The following JAK3 variants were observed in gnomAD, a reference collection of about 807,000 sequenced individuals.
JAK3 encodes the protein tyrosine-protein kinase JAK3.
Under a neutral mutation model 120.8 loss-of-function variants are expected in JAK3, and 88 were observed. The observed-to-expected ratio is 0.73, with a 90% CI of 0.61 to 0.87. The LOEUF is 0.87. Ranked by LOEUF, JAK3 falls within the 40% of genes least tolerant of loss-of-function variation. JAK3 has a pLI of 0.00. For synonymous variants in JAK3, 592 were observed against 628.6 expected (o/e 0.94, Z 0.87); for missense variants, 1,254 against 1,501.4 (o/e 0.84, Z 2.72).
At chr19:17,845,339 C>G (rs1327849435) in intron 1 of JAK3, among the ~76,000 whole-genome samples, 2 of 151,960 alleles carry the variant, frequency 1.3e-5, no homozygotes, top group Admixed American at 1.3e-4. Context: ...AGCTAATTTT[C>G]TTGTATTTTT....
rs776503458 is a variant in JAK3, at chr19:17,831,642, A to AG, written c.2805+31_2805+32insC. On this transcript the variant is annotated intron_variant, in intron 20 of 23. Transcript: ENST00000458235. This position sits in a 1 kb window ranked among gnomAD's most constrained non-coding sequence, Gnocchi z 5.1. ...CCCCTGCCCAGGCCGTGCCAGCTGA[A>AG]TCCCCACAAGTCCCGGGGCGCCCCC... 4 of 1,595,518 alleles carry AG rather than the reference A, an allele frequency of 2.5e-6. No individual in the cohort carries two copies. In the African/African-American group the frequency reaches 4.0e-5, roughly 16 times the overall value.
In JAK3 at chr19:17,842,820, C is replaced by T. The variant is rs1568407402; in HGVS notation, c.566+207G>A. 4 of 858,808 alleles carry T rather than the reference C, an allele frequency of 4.7e-6. No individual in the cohort carries two copies. Among genetic ancestry groups the T allele is most frequent in the Non-Finnish European group, 1.8e-6 (1 of 551,542 alleles). 53.2% of individuals were successfully genotyped at this position (858,808 alleles called of 1,614,324 possible). ...GCGCCCACAGGTCGGACAGGGACCC[C>T]ACAGGCCTTTTAGCTGGGGGAGGTC... On this transcript the variant is annotated intron_variant, in intron 5 of 23. Transcript: ENST00000458235. This position sits in a 1 kb window ranked among gnomAD's most constrained non-coding sequence, Gnocchi z 6.4.
chr19:17,837,790 C>T, intron 12 of JAK3, 142 bp downstream of exon 12: 1 of 1,249,024 alleles, frequency 8.0e-7, no homozygotes, highest in East Asian at 2.4e-5. Flanking sequence ...AAACCATCCT[C>T]CTGCCTCAGC....
intron 1 of JAK3, among the ~76,000 whole-genome samples, chr19:17,844,671 C>G (rs933483079): frequency 1.3e-5 from 2 of 151,880 alleles, no homozygotes; most frequent in Non-Finnish European, 2.9e-5. Flanking sequence ...GTGGTGCGTT[C>G]CTGTAATCCC....
intron 22 of JAK3, 86 bp downstream of exon 22, chr19:17,830,417 A>C: frequency 1.8e-6 from 2 of 1,118,800 alleles, no homozygotes; most frequent in Non-Finnish European, 2.7e-6. Context: ...CATGCTAAAG[A>C]GGGACGCAGG....
At chr19:17,835,245 G>T (rs2072496) in intron 14 of JAK3, 30 bp from the exon 15 acceptor site, 2 of 1,609,678 alleles carry the variant, frequency 1.2e-6, no homozygotes, top group Non-Finnish European at 1.7e-6. Flanking sequence ...GAAAATGCCC[G>T]GGAGGGTTTG....
intron 8 of JAK3, among the ~76,000 whole-genome samples, chr19:17,840,981 AT>A (rs888915168): frequency 2.0e-5 from 3 of 150,242 alleles, no homozygotes; most frequent in Admixed American, 6.6e-5. Context: ...ACACCCAGCT[AT>A]TTTTTTTTCT....
rs190366074 is a variant in JAK3 at position 17,826,445 on chromosome 19, G to T, written c.*298C>A. The T allele has an allele frequency of 7.2e-4, 297 of 409,962 alleles. 4 individuals carry two copies. In the East Asian group the frequency reaches 0.011, roughly 15 times the overall value. The allele number at this position is 409,962 out of a possible 1,614,324, so 25.4% of individuals were successfully genotyped here. On this transcript the variant is annotated 3_prime_UTR_variant, in exon 24 of 24. Transcript: ENST00000458235. ...AGAGACAGAAAAGGAAACTCAGGGGGCCAGGGCTTAAGGGGTTGGGAAGAT... is the reference window on the plus strand; with the variant it reads ...AGAGACAGAAAAGGAAACTCAGGGGTCCAGGGCTTAAGGGGTTGGGAAGAT...
In JAK3 at chr19:17,843,525, T is replaced by C. The variant is rs748492158; in HGVS notation, c.309-34A>G. On this transcript the variant is annotated intron_variant, in intron 3 of 23. Transcript: ENST00000458235. The surrounding 1 kb of genome is among the most constrained non-coding windows in gnomAD (Gnocchi z 5.4). ...AGAGGAGAGAACCCTGGGATGAAAGTGCAACCCAGCCTCAGTAGGAGTGAC... is the reference window on the plus strand; with the variant it reads ...AGAGGAGAGAACCCTGGGATGAAAGCGCAACCCAGCCTCAGTAGGAGTGAC... 2 of 1,470,748 alleles carry C rather than the reference T, an allele frequency of 1.4e-6. No homozygotes were observed. The highest frequency in any genetic ancestry group is 9.4e-7 in the Non-Finnish European group (1 of 1,066,978). The allele number at this position is 1,470,748 out of a possible 1,614,324, so 91.1% of individuals were successfully genotyped here. A position where few individuals can be genotyped will look rare whatever the true frequency, so the allele number is the denominator to read the frequency against.
intron 2 of JAK3, 132 bp from the exon 3 acceptor site, chr19:17,844,032 G>T: frequency 1.6e-6 from 2 of 1,267,776 alleles, no homozygotes; most frequent in Non-Finnish European, 2.2e-6. Context: ...TTCATGTGCC[G>T]TCACACCTCT....
chr19:17,841,423 C>CCAG lies in JAK3; in HGVS notation c.1105_1107dup (p.Leu369dup). 6.4e-7 allele frequency: 1 copy of CCAG among 1,553,550 alleles called. No individual in the cohort carries two copies. The highest frequency in any genetic ancestry group is 1.2e-5 in the South Asian group (1 of 84,426). On this transcript the variant is annotated inframe_insertion, in exon 8 of 24. Transcript: ENST00000458235. The surrounding 1 kb of genome is among the most constrained non-coding windows in gnomAD (Gnocchi z 4.1). ...CCGTGGCACTGCTCGGCCACTTCCT[C>CCAG]CAGCAGCCTCGGCGGTGCCACCTCC...
At chr19:17,836,904 G>A (rs1172240247) in intron 13 of JAK3, 5 of 662,732 alleles carry the variant, frequency 7.5e-6, no homozygotes, top group Middle Eastern at 7.8e-4. Context: ...AGCCAGGTTT[G>A]TCTGACTTCA....
rs565783591 is a variant in JAK3, at chr19:17,844,321, G to A, written c.97C>T (p.Arg33Trp). The A allele has an allele frequency of 6.8e-6, 11 of 1,610,136 alleles. No individual in the cohort carries two copies. The Admixed American group carries it at 1.2e-4, about 17-fold the overall frequency. Reference sequence around the variant, plus strand: ...AGGCGCTGGGGGGGCCCGGGGCCCCGAGCGGGCAGCAGCACATGCAGGGCA... The same window carrying A: ...AGGCGCTGGGGGGGCCCGGGGCCCCAAGCGGGCAGCAGCACATGCAGGGCA... ...AGALHVLLPA[R>W]GPGPPQRLSF... The change falls in exon 2 of 24, where the codon CGG becomes TGG. Residue 33 changes from arginine to tryptophan, a missense_variant. Transcript: ENST00000458235.
At position 17,843,550 on chromosome 19, in the gene JAK3, C is replaced by T; in HGVS notation, c.309-59G>A. 7.7e-7 allele frequency: 1 copy of T among 1,294,946 alleles called. No individual in the cohort carries two copies. The highest frequency in any genetic ancestry group is 1.1e-6 in the Non-Finnish European group (1 of 907,206). 80.2% of individuals were successfully genotyped at this position (1,294,946 alleles called of 1,614,324 possible). ...TGCAACCCAGCCTCAGTAGGAGTGA[C>T]ATTATGGTGGGGGCGAGGGACAGAT... On this transcript the variant is annotated intron_variant, in intron 3 of 23. Coordinates refer to ENST00000458235, the MANE Select transcript of JAK3 (RefSeq NM_000215.4). This position sits in a 1 kb window ranked among gnomAD's most constrained non-coding sequence, Gnocchi z 5.4.
chr19:17,828,254 GT>G lies in JAK3; in HGVS notation c.3208-1345del, dbSNP rs1170382236. ...GTTTTGTTTTGTTTTGTTTTGTTTT[GT>G]TTTGTTTTGTTTTGTTTTGAGACAG... On this transcript the variant is annotated intron_variant, in intron 23 of 23. Coordinates refer to ENST00000458235, the MANE Select transcript of JAK3 (RefSeq NM_000215.4). 2.7e-5 allele frequency among the ~76,000 whole-genome samples: 4 copies of G among 146,930 alleles called. No homozygotes were observed. In the South Asian group the frequency reaches 8.7e-4, roughly 32 times the overall value.
chr19:17,843,376 C>G lies in JAK3; in HGVS notation c.420+4G>C. ...CCTGGGTCAAACCCCAGGCAGAACCCCACCTGGGCAAAGAGGTGCTCCAGG... is the reference window on the plus strand; with the variant it reads ...CCTGGGTCAAACCCCAGGCAGAACCGCACCTGGGCAAAGAGGTGCTCCAGG... On this transcript the variant is annotated splice_donor_region_variant and intron_variant, in intron 4 of 23. Transcript: ENST00000458235. This position sits in a 1 kb window ranked among gnomAD's most constrained non-coding sequence, Gnocchi z 5.4. The G allele has an allele frequency of 6.3e-7, 1 of 1,582,232 alleles. No homozygotes were observed. Among genetic ancestry groups the G allele is most frequent in the Non-Finnish European group, 8.6e-7 (1 of 1,163,210 alleles).
intron 12 of JAK3, among the ~76,000 whole-genome samples, chr19:17,837,568 A>G (rs572143173): frequency 6.6e-6 from 1 of 152,068 alleles, no homozygotes; most frequent in Non-Finnish European, 1.5e-5. Flanking sequence ...GGCATGCACC[A>G]CCACGCCCGG....
chr19:17,838,475 G>C, intron 10 of JAK3, 85 bp from the exon 11 acceptor site: 1 of 1,530,234 alleles, frequency 6.5e-7, no homozygotes. Context: ...TTAGTTTGAG[G>C]TACCCTCTAG....
intron 23 of JAK3, among the ~76,000 whole-genome samples, chr19:17,828,961 C>T (rs755693096): frequency 2.6e-5 from 4 of 151,840 alleles, no homozygotes; most frequent in Non-Finnish European, 5.9e-5. Flanking sequence ...TCAAGACCAG[C>T]CTAGGCAACA....
Sources: allele counts gnomAD v4.1 joint callset (sites outside exome capture counted in the v4.1 genomes callset), GRCh38; gene constraint gnomAD v4.1.1; non-coding constraint Gnocchi (gnomAD v3.1); transcripts MANE v1.5; gene names NCBI Gene and HGNC (gene_info 2026-07-23, HGNC 2026-07-21).